Variants in TTN observed in about 807,000 individuals in gnomAD.
The protein encoded by TTN is connectin.
Under a neutral mutation model 3,223.0 loss-of-function variants are expected in TTN, and 1,525 were observed. The observed-to-expected ratio is 0.47, with a 90% CI of 0.45 to 0.49. The LOEUF (loss-of-function observed/expected upper bound fraction) is 0.49. TTN is among the 20% of genes least tolerant of loss of function. TTN has a pLI of 0.00. For missense variants in TTN, 40,786 were observed against 43,424.0 expected (o/e 0.94, Z 5.40); for synonymous variants, 14,094 against 15,161.0 (o/e 0.93, Z 5.17).
In TTN at chr2:178,664,925, C is replaced by G; in HGVS notation, c.36045G>C (p.Thr12015=). 1 of 1,605,394 alleles carries G rather than the reference C, an allele frequency of 6.2e-7. No homozygotes were observed. The highest frequency in any genetic ancestry group is 8.5e-7 in the Non-Finnish European group (1 of 1,176,602). ...PEEPETPRMK[T]PEAPQEIIPA... is the part of the protein sequence containing the mutation. Reference sequence around the variant, plus strand: ...GAATAATTTCTTGAGGAGCTTCGGGCGCTTGAAAGATATTAGCAATTCACA... The same window carrying G: ...GAATAATTTCTTGAGGAGCTTCGGGGGCTTGAAAGATATTAGCAATTCACA... Residue 12015 remains threonine, a splice_region_variant and synonymous_variant, in exon 166 of 363, where the codon ACG becomes ACC. Transcript: ENST00000589042.
intron 9 of TTN, 81 bp from the exon 10 acceptor site, chr2:178,792,278 A>G (rs1574894658): frequency 1.4e-6 from 2 of 1,395,588 alleles, no homozygotes; most frequent in East Asian, 4.8e-5. Context: ...ATAACAACAT[A>G]GGAATTTGAA....
At chr2:178,602,613 A>G (rs1171649163) in intron 282 of TTN, 23 bp from the exon 283 acceptor site, 1 of 1,460,612 alleles carries the variant, frequency 6.8e-7, no homozygotes. Flanking sequence ...GAAAAAAAAA[A>G]GCTTCATCAG....
chr2:178,779,975 G>T (rs756948625), intron 22 of TTN, 25 bp downstream of exon 22: 11 of 1,596,354 alleles, frequency 6.9e-6, no homozygotes, highest in African/African-American at 5.4e-5. Flanking sequence ...GAAATTGTTT[G>T]GTTGGTCATT....
intron 47 of TTN, 59 bp from the exon 48 acceptor site, chr2:178,741,980 A>T: frequency 8.1e-7 from 1 of 1,238,250 alleles, no homozygotes; most frequent in Non-Finnish European, 1.0e-6. Context: ...ATAAAAATAG[A>T]AATCAAAGAA....
rs760587329 is a variant in TTN at position 178,665,389 on chromosome 2, G to A, written c.36031C>T (p.Pro12011Ser). 3.3e-5 allele frequency: 54 copies of A among 1,612,236 alleles called. 1 individual carries two copies. The highest frequency in any genetic ancestry group is 4.1e-5 in the Non-Finnish European group (48 of 1,179,554). Residue 12011 changes from proline to serine, a missense_variant, in exon 165 of 363, where the codon CCA (proline) becomes TCA (serine). Transcript: ENST00000589042. ...AGAGGTAACGTACTTTTCATACGTGGAGTTTCTGGCTCTTCAGGTACATCC... is the reference window on the plus strand; with the variant it reads ...AGAGGTAACGTACTTTTCATACGTGAAGTTTCTGGCTCTTCAGGTACATCC... ...FEDVPEEPET[P>S]RMKTPEAPQE...
At chr2:178,678,312 T>G in intron 144 of TTN, 102 bp downstream of exon 144, 3 of 1,508,666 alleles carry the variant, frequency 2.0e-6, no homozygotes, top group Non-Finnish European at 2.7e-6. Flanking sequence ...TCTAACCAGA[T>G]AGACACTTTA....
In TTN at chr2:178,790,690, T is replaced by C. The variant is rs1220976530; in HGVS notation, c.1800+18A>G. The C allele has an allele frequency of 9.3e-6, 15 of 1,614,048 alleles. No individual in the cohort carries two copies. Among genetic ancestry groups the C allele is most frequent in the Non-Finnish European group, 1.3e-5 (15 of 1,179,936 alleles). ...AAATGGTGCAAGAGTGACTTTCACA[T>C]TGGCAGGAAGTCATCACCTTTTCAT... is the stretch of plus-strand genomic sequence containing the variant. On this transcript the variant is annotated intron_variant, in intron 11 of 362. Transcript: ENST00000589042.
chr2:178,567,924 T>C lies in TTN; in HGVS notation c.78208A>G (p.Ile26070Val), dbSNP rs765860384. The C allele has an allele frequency of 6.2e-7, 1 of 1,613,594 alleles. No individual in the cohort carries two copies. Among genetic ancestry groups the C allele is most frequent in the Non-Finnish European group, 8.5e-7 (1 of 1,179,610 alleles). The change falls in exon 326 of 363, where the codon ATT (isoleucine) becomes GTT (valine). Residue 26070 changes from isoleucine (I) to valine (V), a missense_variant. Ile to Val is a conservative substitution (Grantham distance 29). Transcript: ENST00000589042. ...TTGCTTGCTTTGCCTACACCAACAA[T>C]ATTTTCAGCATACACTCTGAATTCA... is the stretch of plus-strand genomic sequence containing the variant. ...EYEFRVYAEN[I>V]VGVGKASKNS...
Position 178,714,390 on chromosome 2 carries a change from T to C in TTN, c.26384A>G (p.Gln8795Arg). Residue 8795 changes from glutamine to arginine, a missense_variant, in exon 91 of 363, where the codon CAG becomes CGG. Transcript: ENST00000589042. ...ISYSENIATL[Q>R]FSRVEPANAG... ...ATTGGCTGGTTCCACTCTTGAAAAC[T>C]GTAAGGTTGCAATGTTTTCTGAATA... 6.2e-7 allele frequency: 1 copy of C among 1,613,804 alleles called. No individual in the cohort carries two copies. The highest frequency in any genetic ancestry group is 8.5e-7 in the Non-Finnish European group (1 of 1,179,758).
chr2:178,569,330 G>T lies in TTN; in HGVS notation c.76802C>A (p.Thr25601Lys), dbSNP rs374913031. Residue 25601 changes from threonine to lysine, a missense_variant, in exon 326 of 363, where the codon ACG becomes AAG. By Grantham distance (78) the Thr-to-Lys change is moderately conservative (BLOSUM62 -1). Transcript: ENST00000589042. The part of the protein sequence containing the change: ...SAFVTVRVLD[T>K]PSPPVNLKVT... Reference sequence around the variant, plus strand: ...TTTCAGGTTAACAGGTGGACTTGGCGTGTCCAGAACTCTCACAGTAACAAA... The same window carrying T: ...TTTCAGGTTAACAGGTGGACTTGGCTTGTCCAGAACTCTCACAGTAACAAA... 6 of 1,613,138 alleles carry T rather than the reference G, an allele frequency of 3.7e-6. No homozygotes were observed. Among genetic ancestry groups the T allele is most frequent in the South Asian group, 3.3e-5 (3 of 90,976 alleles).
In TTN at chr2:178,572,519, A is replaced by G; in HGVS notation, c.73613T>C (p.Leu24538Pro). The change falls in exon 326 of 363, where the codon CTC becomes CCC. Residue 24538 changes from leucine (L) to proline (P), a missense_variant. Physicochemically the swap from Leu to Pro is moderately conservative, Grantham distance 98. Coordinates refer to ENST00000589042, the MANE Select transcript of TTN (RefSeq NM_001267550.2). ...ATCAAGGAGAGGTGGGTCCCATGTG[A>G]GTGTGACAGATGTCTTAGTGACCTC... is the stretch of plus-strand genomic sequence containing the variant. The part of the protein sequence containing the change: ...VKEVTKTSVT[L>P]TWDPPLLDGG... The G allele has an allele frequency of 1.2e-6, 2 of 1,613,426 alleles. No individual in the cohort carries two copies. The highest frequency in any genetic ancestry group is 1.7e-6 in the Non-Finnish European group (2 of 1,179,618).
intron 259 of TTN, 101 bp from the exon 260 acceptor site, chr2:178,615,069 T>C: frequency 1.8e-6 from 2 of 1,089,336 alleles, no homozygotes; most frequent in Non-Finnish European, 2.6e-6. Flanking sequence ...GGTATAATAC[T>C]AGTCTTTAAA....
In TTN at chr2:178,531,644, T is replaced by C. The variant is rs764200285; in HGVS notation, c.104971A>G (p.Thr34991Ala). The C allele has an allele frequency of 1.9e-6, 3 of 1,614,008 alleles. No individual in the cohort carries two copies. The highest frequency in any genetic ancestry group is 1.6e-4 in the Middle Eastern group (1 of 6,062). Residue 34991 changes from threonine (T) to alanine (A), a missense_variant, in exon 358 of 363, where the codon ACC (threonine) becomes GCC (alanine). By Grantham distance (58) the Thr-to-Ala change is moderately conservative (BLOSUM62 0). Transcript: ENST00000589042. ...ELQESSKIHY[T>A]NTSGVLTLEI... ...AGGGTGAGGACTCCACTCGTGTTGG[T>C]GTAATGAATCTTACTGCTTTCTTGG...
chr2:178,685,187 A>G, intron 129 of TTN, 66 bp downstream of exon 129: 1 of 1,373,746 alleles, frequency 7.3e-7, no homozygotes, highest in Non-Finnish European at 9.9e-7. Flanking sequence ...ACAGTTATGC[A>G]AATGTGAAGG....
At chr2:178,675,637 G>A (rs913001482) in intron 149 of TTN, 34 bp downstream of exon 149, 33 of 1,372,590 alleles carry the variant, frequency 2.4e-5, no homozygotes, top group Non-Finnish European at 3.1e-5. Context: ...CAACATCGGT[G>A]CAGCAAACAT....
In TTN at chr2:178,725,350, G is replaced by A. The variant is rs759032534; in HGVS notation, c.20836+18C>T. ...CCAGCATTTGGCACCAGTTTCTATCGTGGGCTATTGTACCAACCTAAGACC... is the reference window on the plus strand; with the variant it reads ...CCAGCATTTGGCACCAGTTTCTATCATGGGCTATTGTACCAACCTAAGACC... On this transcript the variant is annotated intron_variant, in intron 71 of 362. Transcript: ENST00000589042. 1.3e-4 allele frequency: 187 copies of A among 1,455,272 alleles called. No homozygotes were observed. Among genetic ancestry groups the A allele is most frequent in the Non-Finnish European group, 1.6e-4 (177 of 1,101,368 alleles). The allele number at this position is 1,455,272 out of a possible 1,614,324, so 90.1% of individuals were successfully genotyped here.
At chr2:178,617,639 T>C (rs1376223386) in intron 253 of TTN, 127 bp from the exon 254 acceptor site, 1 of 1,391,890 alleles carries the variant, frequency 7.2e-7, no homozygotes, top group Non-Finnish European at 9.7e-7. Flanking sequence ...GTAGGCACAG[T>C]CTGGGTTTCT....
Position 178,650,763 on chromosome 2 carries a change from G to A in TTN, c.39697C>T (p.Pro13233Ser), listed in dbSNP as rs770708100. 1.2e-6 allele frequency: 2 copies of A among 1,604,918 alleles called. No individual in the cohort carries two copies. The highest frequency in any genetic ancestry group is 2.2e-5 in the East Asian group (1 of 44,480). The change falls in exon 209 of 363, where the codon CCT (proline) becomes TCT (serine). Residue 13233 changes from proline (P) to serine (S), a missense_variant. Pro to Ser is a moderately conservative substitution (Grantham distance 74, BLOSUM62 -1). Transcript: ENST00000589042. ...AVPVPERAES[P>S]PPEVYEEPEE... ...GTCTCACGTGTACCTTCTGGGGGAG[G>A]AGACTCCGCTCTTTCTGGAACAGGA...
In TTN at chr2:178,564,567, G is replaced by C. The variant is rs142391957; in HGVS notation, c.81565C>G (p.Leu27189Val). 1.5e-5 allele frequency: 25 copies of C among 1,613,410 alleles called. No individual in the cohort carries two copies. In the African/African-American group the frequency reaches 2.9e-4, roughly 19 times the overall value. The change falls in exon 326 of 363, where the codon CTG (leucine) becomes GTG (valine). Residue 27189 changes from leucine (L) to valine (V), a missense_variant. Physicochemically the swap from Leu to Val is conservative, Grantham distance 32. Transcript: ENST00000589042. ...TCATAGGCAGGTTTCTTCCATTTCA[G>C]TGTGACATTGTTTCTTGTAATAACA... ...AIVITRNNVT[L>V]KWKKPAYDGG...
Sources: gnomAD v4.1 joint callset for allele counts on GRCh38, gnomAD v4.1.1 for gene constraint, MANE v1.5 for transcripts, NCBI Gene and HGNC (gene_info 2026-07-23, HGNC 2026-07-21) for gene names.